Variants in ANKRD36 observed in about 807,000 individuals in gnomAD.
ANKRD36 encodes the protein ankyrin repeat domain-containing protein 36A.
ANKRD36 carries 179 observed loss-of-function variants against 278.1 expected under a neutral mutation model. The observed-to-expected ratio is 0.64, with a 90% CI of 0.57 to 0.73. The LOEUF (loss-of-function observed/expected upper bound fraction) is 0.73. ANKRD36 is among the 30% of genes least tolerant of loss of function. The pLI is 0.00. For missense variants in ANKRD36, 1,159 were observed against 1,956.7 expected (o/e 0.59, Z 7.69); for synonymous variants, 320 against 641.1 (o/e 0.50, Z 7.57).
At chr2:97,147,411 C>T (rs74903377) in intron 11 of ANKRD36, among the ~76,000 whole-genome samples, 3,576 of 147,674 alleles carry the variant, frequency 0.024, 133 homozygotes, top group African/African-American at 0.084. Flanking sequence ...CCTATAGACA[C>T]AATCAGAGGT....
chr2:97,113,434 G>GCCTCGCGCT lies in ANKRD36; in HGVS notation c.-303_-295dup, dbSNP rs1458658692. On this transcript the variant is annotated 5_prime_UTR_variant, in exon 1 of 76. Transcript: ENST00000420699. ...TTAAACAGGCCCTGGGGCAGGGCGCGCCTCGCGCTCCAGGGAGCCCCGCCC... is the reference window on the plus strand; with the variant it reads ...TTAAACAGGCCCTGGGGCAGGGCGCGCCTCGCGCTCCTCGCGCTCCAGGGAGCCCCGCCC... 9.1e-6 allele frequency: 4 copies of GCCTCGCGCT among 439,478 alleles called. No homozygotes were observed. The highest frequency in any genetic ancestry group is 8.3e-5 in the African/African-American group (4 of 48,380). The allele number at this position is 439,478 out of a possible 1,614,324, so 27.2% of individuals were successfully genotyped here.
In ANKRD36 at chr2:97,113,256, G is replaced by C. The variant is rs1432500778; in HGVS notation, c.-484G>C. ...CCTCGCACCCATCAGCGCGGACCCC[G>C]GGGGCGACGCAGTGGCGAAGTGGGG... On this transcript the variant is annotated 5_prime_UTR_variant, in exon 1 of 76. Coordinates refer to ENST00000420699, the MANE Select transcript of ANKRD36 (RefSeq NM_001354587.1). Among the ~76,000 whole-genome samples, 7 of 151,978 alleles carry C rather than the reference G, an allele frequency of 4.6e-5. No homozygotes were observed. Among genetic ancestry groups the C allele is most frequent in the Admixed American group, 2.0e-4 (3 of 15,248 alleles).
chr2:97,162,694 C>A (rs1464934380), intron 18 of ANKRD36, among the ~76,000 whole-genome samples: 184 of 139,756 alleles, frequency 1.3e-3, no homozygotes, highest in Middle Eastern at 7.5e-3. Context: ...CGACAGGAAA[C>A]CACAGGAACT....
At chr2:97,192,615 T>C (rs1237602606) in intron 36 of ANKRD36, among the ~76,000 whole-genome samples, 9 of 151,762 alleles carry the variant, frequency 5.9e-5, no homozygotes, top group Non-Finnish European at 1.3e-4. Flanking sequence ...AGTTTGATTT[T>C]AGTTTTTGAC....
At position 97,113,821 on chromosome 2, in the gene ANKRD36, A is replaced by G. The variant is rs527963128; in HGVS notation, c.82A>G (p.Ile28Val). 5 of 1,613,030 alleles carry G rather than the reference A, an allele frequency of 3.1e-6. No individual in the cohort carries two copies. The highest frequency in any genetic ancestry group is 2.7e-5 in the African/African-American group (2 of 75,008). Residue 28 changes from isoleucine (I) to valine (V), a missense_variant, in exon 1 of 76, where the codon ATT becomes GTT. Physicochemically the swap from Ile to Val is conservative, Grantham distance 29. Coordinates refer to ENST00000420699, the MANE Select transcript of ANKRD36 (RefSeq NM_001354587.1). ...TGGCTTCGCATTTCCCCAATACCCC[A>G]TTAAACCGTATCATCTGAAGAGGAT... ...SDGFAFPQYP[I>V]KPYHLKRIHR...
chr2:97,228,105 G>T (rs1156379559), intron 67 of ANKRD36, among the ~76,000 whole-genome samples: 379 of 152,082 alleles, frequency 2.5e-3, no homozygotes, highest in African/African-American at 8.0e-3. Flanking sequence ...CTCTTTTTTG[G>T]TTGTGTCTCT....
chr2:97,186,338 C>G (rs1461191602), intron 30 of ANKRD36, among the ~76,000 whole-genome samples: 1 of 150,482 alleles, frequency 6.6e-6, no homozygotes, highest in African/African-American at 2.4e-5. Context: ...CCTAACAAGA[C>G]AATTTTAAAA....
intron 64 of ANKRD36, among the ~76,000 whole-genome samples, chr2:97,218,592 T>C (rs1166401965): frequency 6.6e-6 from 1 of 151,896 alleles, no homozygotes; most frequent in Non-Finnish European, 1.5e-5. Context: ...TCATTGTAAT[T>C]GTGTACCTTC....
At chr2:97,215,896 A>C in intron 62 of ANKRD36, 1 of 481,546 alleles carries the variant, frequency 2.1e-6, no homozygotes, top group South Asian at 2.9e-5. Flanking sequence ...TACCTCAAAA[A>C]CAGCATAGAA....
chr2:97,215,700 T>A, intron 62 of ANKRD36: 2 of 1,409,676 alleles, frequency 1.4e-6, no homozygotes, highest in Admixed American at 2.0e-5. Context: ...TAGACTTCCC[T>A]ACATTGAAAT....
At chr2:97,133,674 T>C (rs1177825948) in intron 6 of ANKRD36, among the ~76,000 whole-genome samples, 1 of 151,982 alleles carries the variant, frequency 6.6e-6, no homozygotes, top group Middle Eastern at 3.2e-3. Flanking sequence ...GTGTTTCAAA[T>C]TGAGTACATA....
intron 15 of ANKRD36, among the ~76,000 whole-genome samples, chr2:97,155,100 T>C (rs2047138696): frequency 7.2e-6 from 1 of 138,592 alleles, no homozygotes; most frequent in Admixed American, 7.1e-5. Context: ...TTGTATATCA[T>C]ATGAGTATGA....
intron 40 of ANKRD36, 45 bp downstream of exon 40, chr2:97,194,962 G>C: frequency 6.5e-7 from 1 of 1,537,042 alleles, no homozygotes. Context: ...GTCCAGACAA[G>C]AAGTTCTCTT....
chr2:97,160,594 T>C (rs2048624077), intron 17 of ANKRD36, among the ~76,000 whole-genome samples: 1 of 152,136 alleles, frequency 6.6e-6, no homozygotes, highest in Admixed American at 6.6e-5. Flanking sequence ...TCAGCTTGCA[T>C]GGTGACATGA....
chr2:97,152,141 C>T (rs1211177590), intron 13 of ANKRD36, among the ~76,000 whole-genome samples: 2 of 148,132 alleles, frequency 1.4e-5, no homozygotes. Flanking sequence ...TACAGGCGTG[C>T]ACCACCACAC....
At position 97,189,415 on chromosome 2, in the gene ANKRD36, C is replaced by T. The variant is rs1558614458; in HGVS notation, c.2245+125C>T. On this transcript the variant is annotated intron_variant, in intron 34 of 75. Transcript: ENST00000420699. ...AATCTGCACATTCTGATTCAGCAGGCCTGAGAGTCTTCATTTGTAATAAAT... is the reference window on the plus strand; with the variant it reads ...AATCTGCACATTCTGATTCAGCAGGTCTGAGAGTCTTCATTTGTAATAAAT... 6.5e-6 allele frequency: 3 copies of T among 464,762 alleles called. 1 individual carries two copies. Among genetic ancestry groups the T allele is most frequent in the Non-Finnish European group, 4.2e-6 (1 of 237,522 alleles). 28.8% of individuals were successfully genotyped at this position (464,762 alleles called of 1,614,324 possible).
intron 38 of ANKRD36, 142 bp from the exon 39 acceptor site, chr2:97,194,584 G>T: frequency 1.4e-6 from 2 of 1,477,806 alleles, no homozygotes; most frequent in East Asian, 4.9e-5. Context: ...ACATGTTCTG[G>T]TCCCCAGACA....
chr2:97,144,037 C>A, intron 8 of ANKRD36, among the ~76,000 whole-genome samples: 1 of 152,260 alleles, frequency 6.6e-6, no homozygotes, highest in Non-Finnish European at 1.5e-5. Flanking sequence ...GTACATTCAA[C>A]TAAAGTGCCA....
chr2:97,223,462 CAGGGCCA>C (rs1488548772), intron 66 of ANKRD36, among the ~76,000 whole-genome samples: 10 of 151,652 alleles, frequency 6.6e-5, no homozygotes, highest in Non-Finnish European at 1.5e-4. Context: ...AAGTTCTTGA[CAGGGCCA>C]AACTGCAGGA....
Sources: allele counts gnomAD v4.1 joint callset (sites outside exome capture counted in the v4.1 genomes callset), GRCh38; gene constraint gnomAD v4.1.1; transcripts MANE v1.5; gene names NCBI Gene and HGNC (gene_info 2026-07-23, HGNC 2026-07-21).